Variants in DPYSL5 observed in about 807,000 individuals in gnomAD.
DPYSL5 encodes the protein dihydropyrimidinase like 5.
DPYSL5 carries 9 observed loss-of-function variants against 58.4 expected under a neutral mutation model. The ratio of observed to expected loss-of-function variants is 0.15; its 90% CI spans 0.09 to 0.27. The LOEUF (loss-of-function observed/expected upper bound fraction) is 0.27, where lower values mean the gene tolerates loss of function less well. Among genes scored for constraint, DPYSL5 ranks in the 10% least tolerant of loss-of-function variants. The probability of loss-of-function intolerance (pLI) is 1.00; values close to 1 mark genes in which losing one functional copy is unlikely to be tolerated. For synonymous variants in DPYSL5, 293 were observed against 301.9 expected (o/e 0.97, Z 0.31); for missense variants, 499 against 770.6 (o/e 0.65, Z 4.17).
At chr2:26,906,513 C>CCCAGA (rs1228624790) in intron 2 of DPYSL5, among the ~76,000 whole-genome samples, 6 of 152,068 alleles carry the variant, frequency 3.9e-5, no homozygotes, top group African/African-American at 1.4e-4. Context: ...ACCTGATTAG[C>CCCAGA]CCAGACCCAC....
intron 1 of DPYSL5, among the ~76,000 whole-genome samples, chr2:26,866,545 T>C (rs1437195795): frequency 1.3e-5 from 2 of 151,988 alleles, no homozygotes; most frequent in Non-Finnish European, 2.9e-5. Flanking sequence ...AAAATGAGGC[T>C]TAGAAGAATT....
Position 26,862,642 on chromosome 2 carries a change from T to A in DPYSL5, c.-5+14388T>A, listed in dbSNP as rs534811357. On this transcript the variant is annotated intron_variant, in intron 1 of 12. Transcript: ENST00000288699. Reference sequence around the variant, plus strand: ...TTCCTTCCCCCTCCCCATCCCTACCTGCTCCCTGGCTTCTGCCTGGATGTT... The same window carrying A: ...TTCCTTCCCCCTCCCCATCCCTACCAGCTCCCTGGCTTCTGCCTGGATGTT... Among the ~76,000 whole-genome samples the A allele has an allele frequency of 9.2e-5, 14 of 152,326 alleles. No individual in the cohort carries two copies. The South Asian group carries it at 2.9e-3, about 32-fold the overall frequency.
rs921014755 is a variant in DPYSL5, at chr2:26,942,415, G to A, written c.1233-128G>A. On this transcript the variant is annotated intron_variant, in intron 10 of 12. Transcript: ENST00000288699. This position sits in a 1 kb window ranked among gnomAD's most constrained non-coding sequence, Gnocchi z 5.9. ...TGAGGTTCTGGGTGTTAGAACTTCA[G>A]CAGAAGAATTTTGAAGGGAGCCAAT... The A allele has an allele frequency of 2.7e-6, 3 of 1,095,716 alleles. No individual in the cohort carries two copies. Among genetic ancestry groups the A allele is most frequent in the Non-Finnish European group, 3.9e-6 (3 of 761,926 alleles). The allele number at this position is 1,095,716 out of a possible 1,614,324, so 67.9% of individuals were successfully genotyped here.
chr2:26,943,150 T>A (rs1665370337), intron 11 of DPYSL5, among the ~76,000 whole-genome samples: 1 of 152,074 alleles, frequency 6.6e-6, no homozygotes, highest in East Asian at 1.9e-4. Flanking sequence ...GGGGTAGAGC[T>A]GGCATTTGCA....
chr2:26,919,653 G>A (rs1443608669), intron 2 of DPYSL5, among the ~76,000 whole-genome samples: 2 of 152,202 alleles, frequency 1.3e-5, no homozygotes, highest in African/African-American at 2.4e-5. Flanking sequence ...TAAGGGCTTG[G>A]GTTGATAAAT....
chr2:26,860,511 T>C (rs1212966955), intron 1 of DPYSL5, among the ~76,000 whole-genome samples: 1 of 152,228 alleles, frequency 6.6e-6, no homozygotes, highest in African/African-American at 2.4e-5. Flanking sequence ...ACATTCCTTT[T>C]AACCCAGCAG....
Position 26,927,591 on chromosome 2 carries a change from A to C in DPYSL5, c.600+159A>C, listed in dbSNP as rs1664859336. Among the ~76,000 whole-genome samples the C allele has an allele frequency of 6.6e-6, 1 of 152,248 alleles. No homozygotes were observed. The highest frequency in any genetic ancestry group is 1.5e-5 in the Non-Finnish European group (1 of 68,042). On this transcript the variant is annotated intron_variant, in intron 4 of 12. Coordinates refer to ENST00000288699, the MANE Select transcript of DPYSL5 (RefSeq NM_020134.4). This position sits in a 1 kb window ranked among gnomAD's most constrained non-coding sequence, Gnocchi z 4.3. ...ACCCCAGCTGTCAGATCTTGGTCAG[A>C]AAATCCAAACTTTACTACTGTCTGT...
intron 1 of DPYSL5, among the ~76,000 whole-genome samples, chr2:26,863,721 A>G (rs377212076): frequency 1.3e-5 from 2 of 152,108 alleles, no homozygotes; most frequent in East Asian, 3.9e-4. Context: ...TGTTTCTTCC[A>G]CTACCATCTC....
intron 1 of DPYSL5, among the ~76,000 whole-genome samples, chr2:26,896,009 A>T (rs1441704270): frequency 6.6e-6 from 1 of 150,932 alleles, no homozygotes; most frequent in African/African-American, 2.4e-5. Flanking sequence ...TGAACTCCTG[A>T]CCTCATGACT....
At position 26,934,528 on chromosome 2, in the gene DPYSL5, G is replaced by C; in HGVS notation, c.791-50G>C. 1.9e-6 allele frequency: 3 copies of C among 1,583,358 alleles called. No homozygotes were observed. The highest frequency in any genetic ancestry group is 2.6e-6 in the Non-Finnish European group (3 of 1,163,490). On this transcript the variant is annotated intron_variant, in intron 7 of 12. Coordinates refer to ENST00000288699, the MANE Select transcript of DPYSL5 (RefSeq NM_020134.4). This position sits in a 1 kb window ranked among gnomAD's most constrained non-coding sequence, Gnocchi z 4.3. ...AAATGAGAGGCACACACCAGCGATC[G>C]CTCAGGTTCGGTGGCTTCCTGGTTA...
chr2:26,866,758 G>GT (rs1402443523), intron 1 of DPYSL5, among the ~76,000 whole-genome samples: 3 of 139,546 alleles, frequency 2.1e-5, no homozygotes, highest in Non-Finnish European at 4.5e-5. Context: ...TTGAGACAGA[G>GT]TCTCACTCTG....
At position 26,924,567 on chromosome 2, in the gene DPYSL5, G is replaced by A. The variant is rs370489656; in HGVS notation, c.262-320G>A. On this transcript the variant is annotated intron_variant, in intron 2 of 12. Coordinates refer to ENST00000288699, the MANE Select transcript of DPYSL5 (RefSeq NM_020134.4). This position sits in a 1 kb window ranked among gnomAD's most constrained non-coding sequence, Gnocchi z 4.7. ...CTATAGAGTCAATTGGCTAAAAATC[G>A]TTTGGGGAGAGAATCTCCTCATTGG... Among the ~76,000 whole-genome samples, 3 of 152,120 alleles carry A rather than the reference G, an allele frequency of 2.0e-5. No homozygotes were observed. Among genetic ancestry groups the A allele is most frequent in the East Asian group, 1.9e-4 (1 of 5,194 alleles).
chr2:26,882,521 C>T (rs1663601376), intron 1 of DPYSL5, among the ~76,000 whole-genome samples: 2 of 152,026 alleles, frequency 1.3e-5, no homozygotes, highest in Non-Finnish European at 2.9e-5. Flanking sequence ...GGCAATTGCT[C>T]AAGCAATACT....
chr2:26,867,839 T>C (rs1481903106), intron 1 of DPYSL5, among the ~76,000 whole-genome samples: 12 of 152,226 alleles, frequency 7.9e-5, no homozygotes. Context: ...TTTTTATTTC[T>C]ATGGAGAGAG....
Position 26,933,258 on chromosome 2 carries a change from A to G in DPYSL5, c.715A>G (p.Thr239Ala). ...ACTTCCCACTGTTTCTTGTGTTTAG[A>G]CTCACTGTCCAATCTACCTGGTCAA... Reference protein sequence around the residue: ...THRVITIANRTHCPIYLVNVS... With the variant: ...THRVITIANRAHCPIYLVNVS... Residue 239 changes from threonine (T) to alanine (A), a missense_variant and splice_region_variant, in exon 7 of 13, where the codon ACT becomes GCT. Physicochemically the swap from Thr to Ala is moderately conservative, Grantham distance 58 (BLOSUM62 0). This residue lies in a region of DPYSL5 where 404 missense variants were observed against 647.6 expected (regional missense o/e 0.62). Transcript: ENST00000288699. The surrounding 1 kb of genome is among the most constrained non-coding windows in gnomAD (Gnocchi z 4.2). 2.5e-6 allele frequency: 4 copies of G among 1,613,664 alleles called. No individual in the cohort carries two copies. The highest frequency in any genetic ancestry group is 3.4e-6 in the Non-Finnish European group (4 of 1,179,816).
chr2:26,918,104 C>G (rs113834070), intron 2 of DPYSL5, among the ~76,000 whole-genome samples: 1,662 of 144,866 alleles, frequency 0.011, 41 homozygotes, highest in African/African-American at 0.04. Context: ...CCACTGCACT[C>G]CAGCCTGGGT....
intron 2 of DPYSL5, among the ~76,000 whole-genome samples, chr2:26,912,404 G>A (rs1181068431): frequency 1.3e-5 from 2 of 152,234 alleles, no homozygotes; most frequent in Non-Finnish European, 2.9e-5. Flanking sequence ...GCTGAAGGAT[G>A]GAGAAAGCGG....
intron 1 of DPYSL5, among the ~76,000 whole-genome samples, chr2:26,853,922 C>T (rs369981110): frequency 2.2e-4 from 34 of 152,018 alleles, no homozygotes; most frequent in African/African-American, 7.2e-4. Flanking sequence ...TGCCTGTGGT[C>T]CCAGCTACTT....
rs1348137047 is a variant in DPYSL5, at chr2:26,924,380, A to G, written c.262-507A>G. On this transcript the variant is annotated intron_variant, in intron 2 of 12. Coordinates refer to ENST00000288699, the MANE Select transcript of DPYSL5 (RefSeq NM_020134.4). The surrounding 1 kb of genome is among the most constrained non-coding windows in gnomAD (Gnocchi z 4.7). ...GAAATTTGAGAGCATAAAACAAAACAATATATCCAAATTAACATTTTCTAT... is the reference window on the plus strand; with the variant it reads ...GAAATTTGAGAGCATAAAACAAAACGATATATCCAAATTAACATTTTCTAT... 1.3e-5 allele frequency among the ~76,000 whole-genome samples: 2 copies of G among 152,244 alleles called. No homozygotes were observed. The highest frequency in any genetic ancestry group is 4.8e-5 in the African/African-American group (2 of 41,458).
Sources: gnomAD v4.1 joint callset for allele counts (sites outside exome capture counted in the v4.1 genomes callset) on GRCh38, gnomAD v4.1.1 for gene constraint, gnomAD v4.1.1 regional missense constraint, Gnocchi (gnomAD v3.1) non-coding constraint, MANE v1.5 for transcripts, NCBI Gene and HGNC (gene_info 2026-07-23, HGNC 2026-07-21) for gene names.